Variants in COL23A1 observed in about 807,000 individuals in gnomAD.
COL23A1 encodes collagen alpha-1(XXIII) chain.
COL23A1 carries 97 observed loss-of-function variants against 99.3 expected under a neutral mutation model. The observed-to-expected ratio is 0.98, with a 90% CI of 0.83 to 1.16. COL23A1 has a LOEUF of 1.16. Among genes scored for constraint, COL23A1 ranks in the 50% most tolerant of loss-of-function variants. COL23A1 has a pLI of 0.00. For missense variants in COL23A1, 762 were observed against 757.4 expected, an observed-to-expected ratio of 1.01 and a Z score of -0.07; for synonymous variants, 320 against 308.2, an observed-to-expected ratio of 1.04 and a Z score of -0.40.
chr5:178,377,278 C>T (rs955271479), intron 2 of COL23A1, among the ~76,000 whole-genome samples: 4 of 152,258 alleles, frequency 2.6e-5, no homozygotes, highest in Admixed American at 2.0e-4. Context: ...CTCCCCTGAA[C>T]ATGCCATGTC....
chr5:178,574,461 GA>G (rs1449974617), intron 1 of COL23A1, among the ~76,000 whole-genome samples: 4 of 152,052 alleles, frequency 2.6e-5, no homozygotes, highest in Non-Finnish European at 5.9e-5. Context: ...ATTCTCAGTG[GA>G]ATCCCACAAG....
chr5:178,459,882 T>G (rs1756020524), intron 2 of COL23A1, among the ~76,000 whole-genome samples: 2 of 152,128 alleles, frequency 1.3e-5, no homozygotes, highest in Non-Finnish European at 2.9e-5. Flanking sequence ...ACAAAACTAA[T>G]AGAGAGTGTT....
chr5:178,253,288 C>T (rs953042000), intron 16 of COL23A1, among the ~76,000 whole-genome samples: 2 of 150,902 alleles, frequency 1.3e-5, no homozygotes, highest in Non-Finnish European at 3.0e-5. Context: ...CTCTCCCCTC[C>T]CACCTCCCTA....
chr5:178,499,436 C>T (rs1758405660), intron 2 of COL23A1, among the ~76,000 whole-genome samples: 1 of 152,240 alleles, frequency 6.6e-6, no homozygotes, highest in Admixed American at 6.5e-5. Flanking sequence ...GAGGATACTT[C>T]ACCTCTGTGA....
Position 178,256,357 on chromosome 5 carries a change from G to A in COL23A1, c.878C>T (p.Pro293Leu). ...GCCTGAGGGGCGGCAGCTTACCCGG[G>A]GCCCTGCAGCTCCATCCGTGCCTCG... Reference protein sequence around the residue: ...GHRGTDGAAGPRGAPGLKGEQ... With the variant: ...GHRGTDGAAGLRGAPGLKGEQ... Residue 293 changes from proline (P) to leucine (L), a missense_variant, in exon 15 of 29, where the codon CCC (proline) becomes CTC (leucine). Coordinates refer to ENST00000390654, the MANE Select transcript of COL23A1 (RefSeq NM_173465.4). 6.2e-7 allele frequency: 1 copy of A among 1,603,250 alleles called. No individual in the cohort carries two copies. Among genetic ancestry groups the A allele is most frequent in the Non-Finnish European group, 8.5e-7 (1 of 1,173,874 alleles).
In COL23A1 at chr5:178,455,261, G is replaced by A. The variant is rs555826236; in HGVS notation, c.361+105421C>T. Among the ~76,000 whole-genome samples, 7 of 152,188 alleles carry A rather than the reference G, an allele frequency of 4.6e-5. No homozygotes were observed. In the East Asian group the frequency reaches 9.7e-4, roughly 21 times the overall value. On this transcript the variant is annotated intron_variant, in intron 2 of 28. Transcript: ENST00000390654. ...GATGAAGGCGTGAAAAGTCACGCACGGGCCTGCCCGTGGGCCCGCCCTAAA... is the reference window on the plus strand; with the variant it reads ...GATGAAGGCGTGAAAAGTCACGCACAGGCCTGCCCGTGGGCCCGCCCTAAA...
In COL23A1 at chr5:178,240,194, C is replaced by T. The variant is rs191552041; in HGVS notation, c.1582-1015G>A. Among the ~76,000 whole-genome samples, 321 of 152,236 alleles carry T rather than the reference C, an allele frequency of 2.1e-3. 1 individual carries two copies. Among genetic ancestry groups the T allele is most frequent in the African/African-American group, 3.7e-3 (153 of 41,528 alleles). ...GGAGGGTGGGGAAACTGGAGAGGAA[C>T]GAAGACTGACTCATCAGGGACACCA... On this transcript the variant is annotated intron_variant, in intron 27 of 28. Transcript: ENST00000390654.
At position 178,267,307 on chromosome 5, in the gene COL23A1, C is replaced by G. The variant is rs1264065211; in HGVS notation, c.522G>C (p.Arg174=). 6.2e-7 allele frequency: 1 copy of G among 1,613,918 alleles called. No homozygotes were observed. The highest frequency in any genetic ancestry group is 1.3e-5 in the African/African-American group (1 of 74,908). Reference sequence around the variant, plus strand: ...GAGGGAGGTCATGCCTGGTTCTTACCCGGGGGCCAAAGTCTCCTGGTGCAC... The same window carrying G: ...GAGGGAGGTCATGCCTGGTTCTTACGCGGGGGCCAAAGTCTCCTGGTGCAC... The part of the protein sequence containing the change: ...EKGAPGDFGP[R]GDQGQDGAAG... Residue 174 remains arginine (R), a splice_region_variant and synonymous_variant, in exon 8 of 29, where the codon CGG becomes CGC. Coordinates refer to ENST00000390654, the MANE Select transcript of COL23A1 (RefSeq NM_173465.4).
rs1761451009 is a variant in COL23A1, at chr5:178,544,177, G to GT, written c.361+16504dup. On this transcript the variant is annotated intron_variant, in intron 2 of 28. Coordinates refer to ENST00000390654, the MANE Select transcript of COL23A1 (RefSeq NM_173465.4). The surrounding 1 kb of genome is among the most constrained non-coding windows in gnomAD (Gnocchi z 4.4). Reference sequence around the variant, plus strand: ...TCCTGCAAGCACTCTTCCCACCTGAGTTTATCACCCCACACAGTCCCCTCC... The same window carrying GT: ...TCCTGCAAGCACTCTTCCCACCTGAGTTTTATCACCCCACACAGTCCCCTCC... Among the ~76,000 whole-genome samples the GT allele has an allele frequency of 6.6e-6, 1 of 152,006 alleles. No individual in the cohort carries two copies. Among genetic ancestry groups the GT allele is most frequent in the Non-Finnish European group, 1.5e-5 (1 of 67,984 alleles).
intron 1 of COL23A1, among the ~76,000 whole-genome samples, chr5:178,575,443 T>A (rs889669997): frequency 1.3e-5 from 2 of 152,180 alleles, no homozygotes; most frequent in Non-Finnish European, 2.9e-5. Flanking sequence ...CAACATGTTT[T>A]TCGTGTTAAT....
chr5:178,430,209 G>C (rs748974131), intron 2 of COL23A1, among the ~76,000 whole-genome samples: 1 of 152,148 alleles, frequency 6.6e-6, no homozygotes, highest in Non-Finnish European at 1.5e-5. Context: ...TTCATTTCCT[G>C]TCTCCCGAGA....
At chr5:178,418,475 TA>T (rs1453249757) in intron 2 of COL23A1, among the ~76,000 whole-genome samples, 1 of 152,210 alleles carries the variant, frequency 6.6e-6, no homozygotes, top group African/African-American at 2.4e-5. Flanking sequence ...CCTGTGCACC[TA>T]TCTCGGCCAT....
Position 178,498,252 on chromosome 5 carries a change from A to ATATG in COL23A1, c.361+62429_361+62430insCATA, listed in dbSNP as rs1758330581. Among the ~76,000 whole-genome samples the ATATG allele has an allele frequency of 2.1e-4, 15 of 71,116 alleles. 1 individual carries two copies. Among genetic ancestry groups the ATATG allele is most frequent in the Non-Finnish European group, 3.1e-4 (13 of 41,632 alleles). 46.7% of individuals were successfully genotyped at this position (71,116 alleles called of 152,430 possible). A position where few individuals can be genotyped will look rare whatever the true frequency, so the allele number is the denominator to read the frequency against. On this transcript the variant is annotated intron_variant, in intron 2 of 28. Transcript: ENST00000390654. The stretch of plus-strand genomic sequence containing the variant: ...TATATATATATATATATATATATAT[A>ATATG]TATATAAAAGAACTTAAAAATAAAA...
intron 2 of COL23A1, among the ~76,000 whole-genome samples, chr5:178,560,326 A>G (rs748391681): frequency 3.3e-5 from 5 of 152,184 alleles, no homozygotes; most frequent in Non-Finnish European, 5.9e-5. Flanking sequence ...ATGTTGGTAC[A>G]GTGGTGGCAA....
chr5:178,463,422 C>G (rs1280644958), intron 2 of COL23A1, among the ~76,000 whole-genome samples: 1 of 152,088 alleles, frequency 6.6e-6, no homozygotes, highest in Non-Finnish European at 1.5e-5. Context: ...AAACTGTTAC[C>G]GGGTCTGGAA....
At chr5:178,402,382 A>G (rs1000996602) in intron 2 of COL23A1, among the ~76,000 whole-genome samples, 8 of 152,194 alleles carry the variant, frequency 5.3e-5, no homozygotes, top group African/African-American at 1.9e-4. Flanking sequence ...TCTCACGAAG[A>G]CAGAGAGTAG....
At chr5:178,358,501 G>GTA (rs558697156) in intron 2 of COL23A1, among the ~76,000 whole-genome samples, 1 of 118,826 alleles carries the variant, frequency 8.4e-6, no homozygotes, top group Non-Finnish European at 1.9e-5. Context: ...GTGTATGCGT[G>GTA]TATATGTGTG....
intron 2 of COL23A1, among the ~76,000 whole-genome samples, chr5:178,398,576 G>C (rs1179689778): frequency 6.6e-6 from 1 of 152,186 alleles, no homozygotes; most frequent in Admixed American, 6.5e-5. Context: ...GCAGTGAGCT[G>C]AGATTGAGCC....
intron 2 of COL23A1, among the ~76,000 whole-genome samples, chr5:178,547,366 T>C (rs1761643348): frequency 6.6e-6 from 1 of 151,826 alleles, no homozygotes; most frequent in Non-Finnish European, 1.5e-5. Context: ...GGTAAGAATA[T>C]TGGCTCTCCT....
Sources: gnomAD v4.1 joint callset for allele counts (sites outside exome capture counted in the v4.1 genomes callset) on GRCh38, gnomAD v4.1.1 for gene constraint, Gnocchi (gnomAD v3.1) non-coding constraint, MANE v1.5 for transcripts, NCBI Gene and HGNC (gene_info 2026-07-23, HGNC 2026-07-21) for gene names.